Variants in SLC26A7 observed in about 807,000 individuals in gnomAD.
SLC26A7 encodes anion exchange transporter.
SLC26A7 carries 59 observed loss-of-function variants against 82.5 expected under a neutral mutation model. The ratio of observed to expected loss-of-function variants is 0.72; its 90% CI spans 0.58 to 0.89. The LOEUF (loss-of-function observed/expected upper bound fraction) is 0.89, where lower values mean the gene tolerates loss of function less well. Among genes scored for constraint, SLC26A7 ranks in the 40% least tolerant of loss-of-function variants. SLC26A7 has a pLI of 0.00. For missense variants in SLC26A7, 820 were observed against 793.0 expected (o/e 1.03, Z -0.41); for synonymous variants, 271 against 274.3 (o/e 0.99, Z 0.12).
intron 11 of SLC26A7, among the ~76,000 whole-genome samples, chr8:91,360,385 G>A (rs1421313003): frequency 6.6e-6 from 1 of 152,070 alleles, no homozygotes; most frequent in Non-Finnish European, 1.5e-5. Context: ...ATAGGGGCCC[G>A]AGAGCCAACT....
At chr8:91,220,684 T>C (rs1426497420) in intron 2 of SLC26A7, among the ~76,000 whole-genome samples, 1 of 152,188 alleles carries the variant, frequency 6.6e-6, no homozygotes, top group Non-Finnish European at 1.5e-5. Context: ...CATGATCTCA[T>C]TCATTTTTTA....
chr8:91,280,323 G>A (rs1169192476), intron 2 of SLC26A7, among the ~76,000 whole-genome samples: 6 of 152,072 alleles, frequency 3.9e-5, no homozygotes, highest in African/African-American at 1.4e-4. Flanking sequence ...TAGGACTTAC[G>A]AGACCTGGAT....
At chr8:91,233,553 C>T (rs183308786) in intron 2 of SLC26A7, among the ~76,000 whole-genome samples, 350 of 148,158 alleles carry the variant, frequency 2.4e-3, no homozygotes, top group African/African-American at 7.9e-3. Flanking sequence ...GGCAACAGAG[C>T]GGGATTCTGT....
intron 2 of SLC26A7, among the ~76,000 whole-genome samples, chr8:91,273,744 C>A (rs1425954703): frequency 1.3e-5 from 2 of 152,150 alleles, no homozygotes; most frequent in African/African-American, 4.8e-5. Flanking sequence ...TCCTTCAACC[C>A]CCACTTCAAG....
intron 4 of SLC26A7, among the ~76,000 whole-genome samples, chr8:91,304,406 T>A (rs1187168893): frequency 6.6e-6 from 1 of 152,152 alleles, no homozygotes; most frequent in East Asian, 1.9e-4. Context: ...TCTTTCTATC[T>A]CTCTCCTGCC....
At chr8:91,387,974 A>G (rs960235952) in intron 15 of SLC26A7, among the ~76,000 whole-genome samples, 1 of 152,240 alleles carries the variant, frequency 6.6e-6, no homozygotes, top group African/African-American at 2.4e-5. Context: ...ATACAGATCT[A>G]AAGATGAAAC....
At position 91,366,574 on chromosome 8, in the gene SLC26A7, C is replaced by T. The variant is rs1307935247; in HGVS notation, c.1489-6C>T. ...GAGTTCTGAATCTGTTTTTCTCCTC[C>T]AAAAGGAAACCCTGCAGCAGGTGAA... On this transcript the variant is annotated splice_polypyrimidine_tract_variant and splice_region_variant and intron_variant, in intron 13 of 18. Coordinates refer to ENST00000276609, the MANE Select transcript of SLC26A7 (RefSeq NM_052832.4). 6.2e-7 allele frequency: 1 copy of T among 1,608,970 alleles called. No homozygotes were observed. The highest frequency in any genetic ancestry group is 8.5e-7 in the Non-Finnish European group (1 of 1,178,772).
At chr8:91,394,983 T>A in intron 18 of SLC26A7, 79 bp from the exon 19 acceptor site, 3 of 1,492,424 alleles carry the variant, frequency 2.0e-6, no homozygotes, top group Non-Finnish European at 2.8e-6. Flanking sequence ...TTGCTTCAGT[T>A]ACTACTGTTC....
chr8:91,323,413 A>G (rs1451212248), intron 5 of SLC26A7, among the ~76,000 whole-genome samples: 1 of 152,206 alleles, frequency 6.6e-6, no homozygotes, highest in Non-Finnish European at 1.5e-5. Context: ...CATCCCTCAC[A>G]ATTCACTGAA....
At chr8:91,394,520 CT>C in intron 18 of SLC26A7, 1 of 1,312,800 alleles carries the variant, frequency 7.6e-7, no homozygotes, top group Non-Finnish European at 9.7e-7. Flanking sequence ...AAATGCTGGG[CT>C]TATGGTTTAG....
chr8:91,357,038 A>G (rs1464199065), intron 11 of SLC26A7, among the ~76,000 whole-genome samples: 2 of 152,180 alleles, frequency 1.3e-5, no homozygotes, highest in Non-Finnish European at 2.9e-5. Context: ...TACTTCCTGC[A>G]GTTACCTTTA....
At chr8:91,265,227 A>G (rs901422099) in intron 2 of SLC26A7, among the ~76,000 whole-genome samples, 2 of 151,960 alleles carry the variant, frequency 1.3e-5, no homozygotes, top group African/African-American at 2.4e-5. Context: ...ATTTTATTCT[A>G]GTTTTATAGC....
Position 91,280,601 on chromosome 8 carries a change from A to G in SLC26A7, c.194-8535A>G, listed in dbSNP as rs140434335. Among the ~76,000 whole-genome samples, 96 of 152,230 alleles carry G rather than the reference A, an allele frequency of 6.3e-4. 1 individual carries two copies. The East Asian group carries it at 0.015, about 23-fold the overall frequency. On this transcript the variant is annotated intron_variant, in intron 2 of 18. Coordinates refer to ENST00000276609, the MANE Select transcript of SLC26A7 (RefSeq NM_052832.4). ...TTGTCAAAGTCAAAAGGACATTTCTATTATTTGCCAGGAGTGCCATTTCAG... is the reference window on the plus strand; with the variant it reads ...TTGTCAAAGTCAAAAGGACATTTCTGTTATTTGCCAGGAGTGCCATTTCAG...
intron 2 of SLC26A7, among the ~76,000 whole-genome samples, chr8:91,279,414 A>G (rs541082445): frequency 2.0e-5 from 3 of 152,166 alleles, no homozygotes; most frequent in South Asian, 2.1e-4. Context: ...ATTACCACCA[A>G]CAGCATACAT....
At chr8:91,214,116 T>C (rs1235387371) in intron 1 of SLC26A7, among the ~76,000 whole-genome samples, 3 of 152,102 alleles carry the variant, frequency 2.0e-5, no homozygotes, top group Non-Finnish European at 4.4e-5. Context: ...AGAGGCTAGT[T>C]AGAGTGGTTT....
chr8:91,371,667 G>A (rs1295585271), intron 15 of SLC26A7, among the ~76,000 whole-genome samples: 1 of 151,790 alleles, frequency 6.6e-6, no homozygotes, highest in South Asian at 2.1e-4. Flanking sequence ...CTTTTCTATT[G>A]TGAATAGTAC....
At chr8:91,387,407 C>T (rs576176569) in intron 15 of SLC26A7, among the ~76,000 whole-genome samples, 2 of 152,222 alleles carry the variant, frequency 1.3e-5, no homozygotes, top group Admixed American at 6.5e-5. Flanking sequence ...CATTTCAGGC[C>T]GAAGGAAACA....
At chr8:91,387,404 G>A (rs1407565462) in intron 15 of SLC26A7, among the ~76,000 whole-genome samples, 2 of 152,152 alleles carry the variant, frequency 1.3e-5, no homozygotes, top group African/African-American at 2.4e-5. Flanking sequence ...TACCATTTCA[G>A]GCCGAAGGAA....
intron 8 of SLC26A7, among the ~76,000 whole-genome samples, chr8:91,341,504 C>T (rs1193428637): frequency 6.6e-6 from 1 of 152,164 alleles, no homozygotes; most frequent in Non-Finnish European, 1.5e-5. Flanking sequence ...AAATCTCATT[C>T]TCACACTATG....
Sources: gnomAD v4.1 joint callset for allele counts (sites outside exome capture counted in the v4.1 genomes callset) on GRCh38, gnomAD v4.1.1 for gene constraint, MANE v1.5 for transcripts, NCBI Gene and HGNC (gene_info 2026-07-23, HGNC 2026-07-21) for gene names.